Variants in ZNF641 observed in about 807,000 individuals in gnomAD.
The protein encoded by ZNF641 is zinc finger protein 641.
ZNF641 carries 26 observed loss-of-function variants against 46.2 expected under a neutral mutation model. The ratio of observed to expected loss-of-function variants is 0.56; its 90% CI spans 0.41 to 0.78. ZNF641 has a LOEUF of 0.78. Among genes scored for constraint, ZNF641 ranks in the 30% least tolerant of loss-of-function variants. The pLI, the probability that ZNF641 is intolerant of heterozygous loss-of-function variation, is 0.00. For missense variants in ZNF641, 469 were observed against 517.8 expected (o/e 0.91, Z 0.91); for synonymous variants, 163 against 187.9 (o/e 0.87, Z 1.09).
rs1952813993 is a variant in ZNF641, at chr12:48,344,635, A to C, written c.484T>G (p.Leu162Val). The C allele has an allele frequency of 1.9e-6, 3 of 1,613,598 alleles. No individual in the cohort carries two copies. The South Asian group carries it at 3.3e-5, about 18-fold the overall frequency. Residue 162 changes from leucine to valine, a missense_variant, in exon 5 of 6, where the codon TTA (leucine) becomes GTA (valine). Around this residue, in one of 3 missense-constraint regions of ZNF641, gnomAD observed 346 missense variants for 354.0 expected, o/e 0.98. Coordinates refer to ENST00000547026, the MANE Select transcript of ZNF641 (RefSeq NM_001172681.2). ...ACCCTCAGAATGTCCCTCTCCTCTA[A>C]GTCCTGGGGGTCAGGGACCCATTGT... Reference protein sequence around the residue: ...EEQWVPDPQDLEERDILRVTY... With the variant: ...EEQWVPDPQDVEERDILRVTY...
chr12:48,339,820 C>T lies in ZNF641; in HGVS notation c.*3153G>A, dbSNP rs1430436231. On this transcript the variant is annotated 3_prime_UTR_variant, in exon 6 of 6. Transcript: ENST00000547026. Reference sequence around the variant, plus strand: ...TACTTTGACAAGGGAAAAGTTTTTCCTTCCACAATTAGAACTAAGGCGTAA... The same window carrying T: ...TACTTTGACAAGGGAAAAGTTTTTCTTTCCACAATTAGAACTAAGGCGTAA... The T allele has an allele frequency of 1.5e-6, 1 of 666,320 alleles. No homozygotes were observed. Among genetic ancestry groups the T allele is most frequent in the Non-Finnish European group, 1.9e-6 (1 of 538,338 alleles). The allele number at this position is 666,320 out of a possible 1,614,324, so 41.3% of individuals were successfully genotyped here. A position where few individuals can be genotyped will look rare whatever the true frequency, so the allele number is the denominator to read the frequency against.
chr12:48,340,964 T>C lies in ZNF641; in HGVS notation c.*2009A>G, dbSNP rs1269495535. 2.0e-6 allele frequency: 2 copies of C among 985,332 alleles called. No homozygotes were observed. The highest frequency in any genetic ancestry group is 2.4e-6 in the Non-Finnish European group (2 of 829,966). The allele number at this position is 985,332 out of a possible 1,614,324, so 61.0% of individuals were successfully genotyped here. Reference sequence around the variant, plus strand: ...TACAAAGACCAGCCATTTTGCCTTATTCATAGGATCATAAGCAAGAGAACT... The same window carrying C: ...TACAAAGACCAGCCATTTTGCCTTACTCATAGGATCATAAGCAAGAGAACT... On this transcript the variant is annotated 3_prime_UTR_variant, in exon 6 of 6. Transcript: ENST00000547026.
Position 48,342,072 on chromosome 12 carries a change from G to C in ZNF641, c.*901C>G, listed in dbSNP as rs1952732212. On this transcript the variant is annotated 3_prime_UTR_variant, in exon 6 of 6. Coordinates refer to ENST00000547026, the MANE Select transcript of ZNF641 (RefSeq NM_001172681.2). ...GCACACAAATACACAGACACATAAA[G>C]ACAGTCAAGAGGAGAGAGGGGACTG... 2.0e-6 allele frequency: 2 copies of C among 985,308 alleles called. No individual in the cohort carries two copies. Among genetic ancestry groups the C allele is most frequent in the South Asian group, 4.7e-5 (1 of 21,286 alleles). 61.0% of individuals were successfully genotyped at this position (985,308 alleles called of 1,614,324 possible). A position where few individuals can be genotyped will look rare whatever the true frequency, so the allele number is the denominator to read the frequency against.
Position 48,340,881 on chromosome 12 carries a change from C to G in ZNF641, c.*2092G>C. 1 of 985,448 alleles carries G rather than the reference C, an allele frequency of 1.0e-6. No homozygotes were observed. The highest frequency in any genetic ancestry group is 1.2e-6 in the Non-Finnish European group (1 of 829,952). 61.0% of individuals were successfully genotyped at this position (985,448 alleles called of 1,614,324 possible). ...AATACTTTCTTACTCCCTGGGGCAT[C>G]TCCTAATACTGATCCTAAAATGCTC... On this transcript the variant is annotated 3_prime_UTR_variant, in exon 6 of 6. Coordinates refer to ENST00000547026, the MANE Select transcript of ZNF641 (RefSeq NM_001172681.2).
intron 4 of ZNF641, 86 bp downstream of exon 4, chr12:48,345,259 G>A (rs1250020065): frequency 6.6e-7 from 1 of 1,516,452 alleles, no homozygotes; most frequent in Admixed American, 1.8e-5. Flanking sequence ...AAGAGTCCTA[G>A]ACAGACACTA....
intron 2 of ZNF641, 150 bp downstream of exon 2, chr12:48,347,757 A>G: frequency 2.7e-6 from 2 of 729,790 alleles, no homozygotes; most frequent in Non-Finnish European, 4.4e-6. Flanking sequence ...CCTATTCTGT[A>G]CCTGTGACCA....
At chr12:48,350,728 C>T in intron 1 of ZNF641, 58 bp downstream of exon 1, 1 of 747,470 alleles carries the variant, frequency 1.3e-6, no homozygotes, top group South Asian at 6.0e-5. Flanking sequence ...CCAGCCGCCC[C>T]GGGAAGCCAG....
At chr12:48,348,136 C>T in intron 1 of ZNF641, 21 bp from the exon 2 acceptor site, 1 of 1,612,302 alleles carries the variant, frequency 6.2e-7, no homozygotes, top group Non-Finnish European at 8.5e-7. Flanking sequence ...TTCATATCAG[C>T]AATGCCCATG....
Position 48,341,176 on chromosome 12 carries a change from A to G in ZNF641, c.*1797T>C. Reference sequence around the variant, plus strand: ...ACCCAGTTTTTCCTGCAAAAGGCACAGTCGCTAAACTAAATTGGTGCAATT... The same window carrying G: ...ACCCAGTTTTTCCTGCAAAAGGCACGGTCGCTAAACTAAATTGGTGCAATT... On this transcript the variant is annotated 3_prime_UTR_variant, in exon 6 of 6. Coordinates refer to ENST00000547026, the MANE Select transcript of ZNF641 (RefSeq NM_001172681.2). 2 of 985,476 alleles carry G rather than the reference A, an allele frequency of 2.0e-6. No homozygotes were observed. The highest frequency in any genetic ancestry group is 1.7e-5 in the African/African-American group (1 of 57,374). The allele number at this position is 985,476 out of a possible 1,614,324, so 61.0% of individuals were successfully genotyped here. A position where few individuals can be genotyped will look rare whatever the true frequency, so the allele number is the denominator to read the frequency against.
At chr12:48,348,246 T>A in intron 1 of ZNF641, 131 bp from the exon 2 acceptor site, 2 of 905,438 alleles carry the variant, frequency 2.2e-6, no homozygotes, top group Non-Finnish European at 3.3e-6. Context: ...AGATGAACTT[T>A]AAAAGCTTGA....
chr12:48,336,417 G>A (rs756695125), downstream of ZNF641, among the ~76,000 whole-genome samples: 30 of 152,314 alleles, frequency 2.0e-4, no homozygotes, highest in Admixed American at 1.2e-3. Flanking sequence ...AGGCCCAAGG[G>A]CAACAAAACA....
chr12:48,338,784 A>C lies in ZNF641; in HGVS notation c.*4189T>G, dbSNP rs954657205. 2 of 152,198 alleles carry C rather than the reference A, an allele frequency of 1.3e-5. No individual in the cohort carries two copies. Among genetic ancestry groups the C allele is most frequent in the Non-Finnish European group, 1.5e-5 (1 of 68,036 alleles). The allele number at this position is 152,198 out of a possible 1,614,324, so 9.4% of individuals were successfully genotyped here. On this transcript the variant is annotated 3_prime_UTR_variant, in exon 6 of 6. Coordinates refer to ENST00000547026, the MANE Select transcript of ZNF641 (RefSeq NM_001172681.2). ...GCTGCCCTTGCCCATAGGGTATGCC[A>C]AATCATGGTTAGAAATCCCTTCCAT...
upstream of ZNF641, chr12:48,350,948 T>G: frequency 1.3e-6 from 1 of 748,192 alleles, no homozygotes; most frequent in Non-Finnish European, 1.6e-6. Flanking sequence ...GCACAGGAAA[T>G]CCCCGCCCGC....
intron 3 of ZNF641, among the ~76,000 whole-genome samples, chr12:48,346,880 G>A (rs943316967): frequency 9.9e-5 from 15 of 152,150 alleles, no homozygotes; most frequent in South Asian, 4.1e-4. Flanking sequence ...GTGTGGTGGC[G>A]TGTGCCAGTA....
At chr12:48,347,205 G>T in intron 3 of ZNF641, 47 bp downstream of exon 3, 1 of 1,613,344 alleles carries the variant, frequency 6.2e-7, no homozygotes, top group African/African-American at 1.3e-5. Context: ...CAATACAAAG[G>T]CAGCAGTGAT....
chr12:48,346,681 T>A (rs1445031860), intron 3 of ZNF641, among the ~76,000 whole-genome samples: 1 of 152,120 alleles, frequency 6.6e-6, no homozygotes, highest in East Asian at 1.9e-4. Context: ...ATTCTTAAAA[T>A]CCTCCTGTGG....
At chr12:48,344,842 T>C (rs1438495845) in intron 4 of ZNF641, 130 bp from the exon 5 acceptor site, 1 of 605,684 alleles carries the variant, frequency 1.7e-6, no homozygotes, top group Admixed American at 3.2e-5. Context: ...GAAAGAAACA[T>C]ATCCCCACCC....
chr12:48,343,892 G>A (rs549565151), intron 5 of ZNF641, among the ~76,000 whole-genome samples, 165 bp from the exon 6 acceptor site: 266 of 152,302 alleles, frequency 1.7e-3, no homozygotes, highest in Middle Eastern at 3.4e-3. Flanking sequence ...AATAGATATA[G>A]AGGTTAAAAG....
chr12:48,349,216 A>C (rs1325592796), intron 1 of ZNF641, among the ~76,000 whole-genome samples: 1 of 152,182 alleles, frequency 6.6e-6, no homozygotes, highest in Non-Finnish European at 1.5e-5. Flanking sequence ...AATTCTTAAT[A>C]ATCCTGCAGT....
Sources: gnomAD v4.1 joint callset for allele counts (sites outside exome capture counted in the v4.1 genomes callset) on GRCh38, gnomAD v4.1.1 for gene constraint, gnomAD v4.1.1 regional missense constraint, MANE v1.5 for transcripts, NCBI Gene and HGNC (gene_info 2026-07-23, HGNC 2026-07-21) for gene names.